The following SEC14L5 variants were observed in gnomAD, a reference collection of about 807,000 sequenced individuals.
The protein encoded by SEC14L5 is SEC14 like lipid binding 5, also known as SEC14-like protein 5.
In SEC14L5, 96 loss-of-function variants were observed where a neutral mutation model predicts 84.6. That is an observed-to-expected ratio of 1.13 (90% CI 0.96 to 1.34). SEC14L5 has a LOEUF of 1.34. Ranked by LOEUF, SEC14L5 falls within the 40% of genes most tolerant of loss-of-function variation. The pLI, the probability that SEC14L5 is intolerant of heterozygous loss-of-function variation, is 0.00. For synonymous variants in SEC14L5, 546 were observed against 383.4 expected, an observed-to-expected ratio of 1.42 and a Z score of -4.95; for missense variants, 1,224 against 942.5, an observed-to-expected ratio of 1.30 and a Z score of -3.91.
chr16:5,007,741 G>A (rs1314333209), intron 13 of SEC14L5, among the ~76,000 whole-genome samples: 1 of 151,220 alleles, frequency 6.6e-6, no homozygotes, highest in African/African-American at 2.4e-5. Context: ...GAGTAGCTGG[G>A]ATTATAGACA....
intron 2 of SEC14L5, among the ~76,000 whole-genome samples, chr16:4,980,174 C>T (rs1955403757): frequency 6.6e-6 from 1 of 152,174 alleles, no homozygotes; most frequent in South Asian, 2.1e-4. Flanking sequence ...AAGGATGAAG[C>T]GAGGCAGTTA....
At chr16:4,995,466 C>T (rs1322806479) in intron 6 of SEC14L5, among the ~76,000 whole-genome samples, 1 of 152,134 alleles carries the variant, frequency 6.6e-6, no homozygotes, top group Non-Finnish European at 1.5e-5. Flanking sequence ...TTAAAAGCTG[C>T]TGTCTGTCAA....
intron 2 of SEC14L5, among the ~76,000 whole-genome samples, chr16:4,980,069 A>G (rs1955402061): frequency 6.6e-6 from 1 of 152,166 alleles, no homozygotes; most frequent in East Asian, 1.9e-4. Flanking sequence ...CTCCCCGGCC[A>G]TGTGCTGCTG....
chr16:5,004,401 C>T (rs145308870), intron 11 of SEC14L5, among the ~76,000 whole-genome samples: 11 of 152,246 alleles, frequency 7.2e-5, no homozygotes, highest in South Asian at 2.1e-4. Flanking sequence ...GCACATCAGC[C>T]GGGGTCCTGG....
rs796712499 is a variant in SEC14L5, at chr16:5,010,218, G to A, written c.1801-877G>A. On this transcript the variant is annotated intron_variant, in intron 14 of 15. Transcript: ENST00000251170. Reference sequence around the variant, plus strand: ...AAAAAAAAAAAAAAAAAAAAAAAAAGCGAGGTGTGGTGGCGGGTGCCTGTA... The same window carrying A: ...AAAAAAAAAAAAAAAAAAAAAAAAAACGAGGTGTGGTGGCGGGTGCCTGTA... 7.1e-4 allele frequency among the ~76,000 whole-genome samples: 75 copies of A among 105,424 alleles called. No individual in the cohort carries two copies. In the East Asian group the frequency reaches 8.2e-3, roughly 12 times the overall value. The allele number at this position is 105,424 out of a possible 152,430, so 69.2% of individuals were successfully genotyped here.
intron 2 of SEC14L5, among the ~76,000 whole-genome samples, chr16:4,984,203 T>TC (rs1223028701): frequency 2.0e-5 from 3 of 152,136 alleles, no homozygotes; most frequent in African/African-American, 7.2e-5. Context: ...TCCTCACCAC[T>TC]CCTGGTCCCT....
intron 2 of SEC14L5, among the ~76,000 whole-genome samples, chr16:4,984,500 G>A (rs1204928462): frequency 6.6e-6 from 1 of 152,128 alleles, no homozygotes; most frequent in Non-Finnish European, 1.5e-5. Context: ...ATAAATATTT[G>A]TGTATTTTTT....
intron 2 of SEC14L5, among the ~76,000 whole-genome samples, chr16:4,965,779 C>T (rs149470966): frequency 5.3e-5 from 8 of 151,318 alleles, no homozygotes; most frequent in Non-Finnish European, 1.2e-4. Flanking sequence ...TGGTGGCTCA[C>T]GCATGTAATC....
rs370881843 is a variant in SEC14L5, at chr16:5,000,724, A to T, written c.1040A>T (p.Glu347Val). The change falls in exon 9 of 16, where the codon GAG becomes GTG. Residue 347 changes from glutamate (E) to valine (V), a missense_variant. By Grantham distance (121) the Glu-to-Val change is moderately radical. Transcript: ENST00000251170. The stretch of plus-strand genomic sequence containing the variant: ...AAAGGCTTGATGAAGGCCGTGGGGG[A>T]GGAGGCGCTGCTGCGGCATGTGAGT... ...DTKGLMKAVGEEALLRHVLSV... is the reference protein window; with the variant it reads ...DTKGLMKAVGVEALLRHVLSV... 5 of 1,552,410 alleles carry T rather than the reference A, an allele frequency of 3.2e-6. No homozygotes were observed. Among genetic ancestry groups the T allele is most frequent in the Non-Finnish European group, 4.4e-6 (5 of 1,147,700 alleles).
chr16:5,004,364 C>G (rs551406297), intron 11 of SEC14L5, among the ~76,000 whole-genome samples: 1 of 152,232 alleles, frequency 6.6e-6, no homozygotes, highest in South Asian at 2.1e-4. Flanking sequence ...AGTCCACCTG[C>G]TGTTTGGGGT....
intron 5 of SEC14L5, 148 bp downstream of exon 5, chr16:4,991,043 C>T (rs571084096): frequency 6.1e-5 from 32 of 528,654 alleles, no homozygotes; most frequent in South Asian, 2.3e-4. Context: ...CAAATCACCA[C>T]GAGATAATGG....
At chr16:5,013,825 T>TG (rs1222752264) in intron 15 of SEC14L5, among the ~76,000 whole-genome samples, 2 of 152,170 alleles carry the variant, frequency 1.3e-5, no homozygotes, top group African/African-American at 2.4e-5. Flanking sequence ...CCCAAAGGGC[T>TG]GGGATTACAG....
In SEC14L5 at chr16:5,014,928, C is replaced by T. The variant is rs199762878; in HGVS notation, c.2049C>T (p.Ser683=). ...AGCTCAGCGCCGCCACCTCGTCCTC[C>T]TCCTCCGGCCAGTCTCATAGCAGCT... The part of the protein sequence containing the change: ...FSQLSAATSS[S]SSGQSHSSSL... Residue 683 remains serine, a synonymous_variant, in exon 16 of 16, where the codon TCC becomes TCT. Transcript: ENST00000251170. 6.2e-7 allele frequency: 1 copy of T among 1,612,884 alleles called. No homozygotes were observed. The highest frequency in any genetic ancestry group is 1.1e-5 in the South Asian group (1 of 91,086).
At chr16:4,979,011 C>A (rs992638455) in intron 2 of SEC14L5, among the ~76,000 whole-genome samples, 6 of 152,178 alleles carry the variant, frequency 3.9e-5, no homozygotes, top group African/African-American at 1.4e-4. Flanking sequence ...AGCCACTTCA[C>A]CCGACCTCAG....
chr16:5,001,291 C>T (rs1025614819), intron 10 of SEC14L5, among the ~76,000 whole-genome samples: 5 of 149,070 alleles, frequency 3.4e-5, no homozygotes, highest in Non-Finnish European at 5.9e-5. Context: ...CGGAGTCTCG[C>T]TCTGTCGCCC....
At position 5,015,362 on chromosome 16, in the gene SEC14L5, TG is replaced by T; in HGVS notation, c.*393del. 5.4e-6 allele frequency: 1 copy of T among 184,808 alleles called. No individual in the cohort carries two copies. Among genetic ancestry groups the T allele is most frequent in the South Asian group, 1.4e-4 (1 of 7,388 alleles). 11.4% of individuals were successfully genotyped at this position (184,808 alleles called of 1,614,324 possible). ...AGGTGCCCTTCTCCTCCCTGCAGCTTGCCTGCATAAGAGAGCCTCTTCCTCC... is the reference window on the plus strand; with the variant it reads ...AGGTGCCCTTCTCCTCCCTGCAGCTTCCTGCATAAGAGAGCCTCTTCCTCC... On this transcript the variant is annotated 3_prime_UTR_variant, in exon 16 of 16. Transcript: ENST00000251170.
At position 5,016,481 on chromosome 16, in the gene SEC14L5, C is replaced by G. The variant is rs919834581; in HGVS notation, c.*1511C>G. On this transcript the variant is annotated 3_prime_UTR_variant, in exon 16 of 16. Coordinates refer to ENST00000251170, the MANE Select transcript of SEC14L5 (RefSeq NM_014692.2). Reference sequence around the variant, plus strand: ...CACTATTGTTGCATGAAGACAACACCTCTGCACCCCTGGATGTGGCCACGC... The same window carrying G: ...CACTATTGTTGCATGAAGACAACACGTCTGCACCCCTGGATGTGGCCACGC... The G allele has an allele frequency of 5.9e-5, 9 of 152,324 alleles. No homozygotes were observed. The highest frequency in any genetic ancestry group is 1.9e-4 in the African/African-American group (8 of 41,556). The allele number at this position is 152,324 out of a possible 1,614,324, so 9.4% of individuals were successfully genotyped here.
At chr16:5,014,001 C>T (rs1273663441) in intron 15 of SEC14L5, among the ~76,000 whole-genome samples, 2 of 152,216 alleles carry the variant, frequency 1.3e-5, no homozygotes, top group Non-Finnish European at 1.5e-5. Context: ...CGAGGTTCTG[C>T]ATCTCTAACA....
chr16:5,007,084 C>T (rs575386165), intron 12 of SEC14L5, among the ~76,000 whole-genome samples: 2 of 152,288 alleles, frequency 1.3e-5, no homozygotes, highest in South Asian at 4.1e-4. Context: ...GGTTTGTGCC[C>T]TGGCTCACTC....
Sources: gnomAD v4.1 joint callset for allele counts (sites outside exome capture counted in the v4.1 genomes callset) on GRCh38, gnomAD v4.1.1 for gene constraint, MANE v1.5 for transcripts, NCBI Gene and HGNC (gene_info 2026-07-23, HGNC 2026-07-21) for gene names.